Variants in GALNT2 observed in about 807,000 individuals in gnomAD.
GALNT2 encodes UDP-GalNAc:polypeptide N-acetylgalactosaminyltransferase 2.
Under a neutral mutation model 81.4 loss-of-function variants are expected in GALNT2, and 31 were observed. That is an observed-to-expected ratio of 0.38 (90% CI 0.29 to 0.51). GALNT2 has a LOEUF of 0.51. Among genes scored for constraint, GALNT2 ranks in the 20% least tolerant of loss-of-function variants. The pLI, the probability that GALNT2 is intolerant of heterozygous loss-of-function variation, is 0.87. For missense variants in GALNT2, 629 were observed against 765.7 expected (o/e 0.82, Z 2.11); for synonymous variants, 303 against 287.4 (o/e 1.05, Z -0.55).
intron 1 of GALNT2, among the ~76,000 whole-genome samples, chr1:230,136,422 T>C (rs567595040): frequency 6.6e-6 from 1 of 152,284 alleles, no homozygotes; most frequent in Non-Finnish European, 1.5e-5. Context: ...TTGTACTCTT[T>C]AGACATCGAA....
Position 230,280,221 on chromosome 1 carries a change from C to T in GALNT2, c.*763C>T. On this transcript the variant is annotated 3_prime_UTR_variant, in exon 16 of 16. Transcript: ENST00000366672. ...AGAGGGAGGAGGTGGCCTTTGTCCC[C>T]TGGAGCCCGATCAGCCAGTTGGTGC... 2.9e-6 allele frequency: 1 copy of T among 348,794 alleles called. No individual in the cohort carries two copies. The highest frequency in any genetic ancestry group is 2.2e-5 in the South Asian group (1 of 44,564). The allele number at this position is 348,794 out of a possible 1,614,324, so 21.6% of individuals were successfully genotyped here. A position where few individuals can be genotyped will look rare whatever the true frequency, so the allele number is the denominator to read the frequency against.
At chr1:230,241,987 A>G (rs1344347166) in intron 6 of GALNT2, among the ~76,000 whole-genome samples, 2 of 152,194 alleles carry the variant, frequency 1.3e-5, no homozygotes, top group African/African-American at 2.4e-5. Flanking sequence ...AAGTCAGCCA[A>G]AGATTTAACA....
At chr1:230,272,605 C>A (rs1666185145) in intron 14 of GALNT2, among the ~76,000 whole-genome samples, 1 of 152,116 alleles carries the variant, frequency 6.6e-6, no homozygotes, top group East Asian at 1.9e-4. Context: ...AGGAGGAAGT[C>A]TTCAGACAGG....
intron 1 of GALNT2, among the ~76,000 whole-genome samples, chr1:230,098,842 A>T (rs1436967487): frequency 6.6e-6 from 1 of 152,186 alleles, no homozygotes; most frequent in East Asian, 1.9e-4. Flanking sequence ...AGCCTCCACA[A>T]GCACTGACTG....
intron 7 of GALNT2, among the ~76,000 whole-genome samples, chr1:230,245,791 TG>T (rs1488976046): frequency 2.6e-5 from 4 of 152,162 alleles, no homozygotes. Context: ...CCCATAACCA[TG>T]GGTGTCTCCA....
At chr1:230,115,992 T>G (rs928857846) in intron 1 of GALNT2, among the ~76,000 whole-genome samples, 1 of 152,228 alleles carries the variant, frequency 6.6e-6, no homozygotes, top group Non-Finnish European at 1.5e-5. Flanking sequence ...CTCTTGGTGT[T>G]TCCACCACAA....
chr1:230,200,597 G>T (rs1663860456), intron 2 of GALNT2, among the ~76,000 whole-genome samples: 1 of 152,170 alleles, frequency 6.6e-6, no homozygotes, highest in South Asian at 2.1e-4. Flanking sequence ...GGGCTGTGGG[G>T]GTGTGAGAGC....
intron 1 of GALNT2, among the ~76,000 whole-genome samples, chr1:230,154,696 C>T (rs1662193921): frequency 6.6e-6 from 1 of 152,168 alleles, no homozygotes; most frequent in Admixed American, 6.5e-5. Flanking sequence ...ACAACAGGCA[C>T]CACCTCTAAG....
chr1:230,187,244 C>T (rs181634724), intron 2 of GALNT2, among the ~76,000 whole-genome samples: 41 of 152,316 alleles, frequency 2.7e-4, no homozygotes, highest in African/African-American at 7.9e-4. Context: ...TATGAACAGA[C>T]GTATATTTAG....
intron 1 of GALNT2, among the ~76,000 whole-genome samples, chr1:230,140,462 C>A (rs898019180): frequency 8.5e-5 from 13 of 152,200 alleles, no homozygotes; most frequent in Admixed American, 7.2e-4. Flanking sequence ...TGGTCCCTGT[C>A]CTACTGAGGG....
At chr1:230,173,440 G>A (rs559200748) in intron 1 of GALNT2, among the ~76,000 whole-genome samples, 119 of 152,292 alleles carry the variant, frequency 7.8e-4, no homozygotes, top group African/African-American at 2.7e-3. Flanking sequence ...CTGTCTGTGG[G>A]GTAATCATTC....
At chr1:230,161,467 C>T (rs1018512022) in intron 1 of GALNT2, among the ~76,000 whole-genome samples, 3 of 152,234 alleles carry the variant, frequency 2.0e-5, no homozygotes, top group South Asian at 2.1e-4. Flanking sequence ...TCTGTGCAGA[C>T]GTGGCAAAGA....
At chr1:230,260,685 AC>A (rs1335655672) in intron 11 of GALNT2, among the ~76,000 whole-genome samples, 4 of 152,116 alleles carry the variant, frequency 2.6e-5, no homozygotes, top group African/African-American at 4.8e-5. Context: ...ACTTAGCAAA[AC>A]CCCACTAACA....
At chr1:230,064,897 A>C (rs1659135520), upstream of GALNT2, among the ~76,000 whole-genome samples, 1 of 152,192 alleles carries the variant, frequency 6.6e-6, no homozygotes, top group Admixed American at 6.5e-5. Context: ...TGCCAGCATA[A>C]ATTTTTATCT....
intron 1 of GALNT2, among the ~76,000 whole-genome samples, chr1:230,088,654 C>T (rs1017468004): frequency 6.6e-6 from 1 of 151,914 alleles, no homozygotes; most frequent in Admixed American, 6.5e-5. Flanking sequence ...TCTCCTGCCT[C>T]AGCCTCCCAA....
At chr1:230,154,067 T>C (rs1165707836) in intron 1 of GALNT2, among the ~76,000 whole-genome samples, 1 of 152,238 alleles carries the variant, frequency 6.6e-6, no homozygotes, top group Non-Finnish European at 1.5e-5. Flanking sequence ...TCTTGGGGCC[T>C]CAGTGCTTTT....
At chr1:230,142,893 GC>G in intron 1 of GALNT2, among the ~76,000 whole-genome samples, 1 of 152,286 alleles carries the variant, frequency 6.6e-6, no homozygotes, top group Non-Finnish European at 1.5e-5. Flanking sequence ...GTGAGAATTG[GC>G]CCGTACCCTG....
At chr1:230,209,695 T>C (rs1301884365) in intron 3 of GALNT2, among the ~76,000 whole-genome samples, 1 of 152,026 alleles carries the variant, frequency 6.6e-6, no homozygotes, top group Non-Finnish European at 1.5e-5. Context: ...ATACAAAAAT[T>C]AGCTGGGCAT....
intron 1 of GALNT2, among the ~76,000 whole-genome samples, chr1:230,072,769 C>T (rs907407838): frequency 3.3e-5 from 5 of 152,172 alleles, no homozygotes; most frequent in African/African-American, 7.2e-5. Context: ...CTGCCCTGGT[C>T]TTTCCTTGGG....
Sources: gnomAD v4.1 joint callset for allele counts (sites outside exome capture counted in the v4.1 genomes callset) on GRCh38, gnomAD v4.1.1 for gene constraint, MANE v1.5 for transcripts, NCBI Gene and HGNC (gene_info 2026-07-23, HGNC 2026-07-21) for gene names.